Variants in TXNDC8 observed in about 807,000 individuals in gnomAD.
TXNDC8 encodes thioredoxin domain containing 8.
In TXNDC8, 15 loss-of-function variants were observed where a neutral mutation model predicts 12.9. The observed-to-expected ratio is 1.16, with a 90% CI of 0.78 to 1.79. The LOEUF (loss-of-function observed/expected upper bound fraction) is 1.79. Ranked by LOEUF, TXNDC8 falls within the 40% of genes most tolerant of loss-of-function variation. TXNDC8 has a pLI of 0.00. For synonymous variants in TXNDC8, 40 were observed against 35.4 expected (o/e 1.13, Z -0.46); for missense variants, 128 against 113.2 (o/e 1.13, Z -0.59).
At position 110,334,658 on chromosome 9, in the gene TXNDC8, T is replaced by G. The variant is rs143217227; in HGVS notation, c.25-338A>C. Among the ~76,000 whole-genome samples, 74 of 152,302 alleles carry G rather than the reference T, an allele frequency of 4.9e-4. No individual in the cohort carries two copies. The East Asian group carries it at 0.014, about 28-fold the overall frequency. ...TCTCTTTGTAAGTACATAAAAATCATGGAAGTCTATGCACCAAAAAGGTTG... is the reference window on the plus strand; with the variant it reads ...TCTCTTTGTAAGTACATAAAAATCAGGGAAGTCTATGCACCAAAAAGGTTG... On this transcript the variant is annotated intron_variant, in intron 1 of 4. Coordinates refer to ENST00000423740, the MANE Select transcript of TXNDC8 (RefSeq NM_001286946.2).
intron 3 of TXNDC8, among the ~76,000 whole-genome samples, chr9:110,325,821 C>T (rs1839293583): frequency 1.3e-5 from 2 of 152,246 alleles, no homozygotes; most frequent in South Asian, 4.1e-4. Context: ...GCCCGGCCTG[C>T]AACTTGTATA....
At chr9:110,333,045 G>A (rs900539538) in intron 2 of TXNDC8, among the ~76,000 whole-genome samples, 3 of 152,182 alleles carry the variant, frequency 2.0e-5, no homozygotes, top group African/African-American at 7.2e-5. Context: ...ACTTAGAGAA[G>A]CAGAAAATAT....
intron 1 of TXNDC8, among the ~76,000 whole-genome samples, chr9:110,335,643 T>C (rs1839722613): frequency 6.6e-6 from 1 of 152,212 alleles, no homozygotes; most frequent in South Asian, 2.1e-4. Context: ...GTAGCTGGCA[T>C]TGGTATCCTA....
intron 3 of TXNDC8, among the ~76,000 whole-genome samples, 185 bp from the exon 5 acceptor site, chr9:110,304,717 T>C (rs750861414): frequency 6.6e-6 from 1 of 152,190 alleles, no homozygotes; most frequent in African/African-American, 2.4e-5. Flanking sequence ...GGGAGGTTCA[T>C]GATCCTCTGC....
intron 3 of TXNDC8, among the ~76,000 whole-genome samples, chr9:110,307,257 A>G (rs1449793776): frequency 1.3e-5 from 2 of 152,096 alleles, no homozygotes; most frequent in East Asian, 3.9e-4. Flanking sequence ...CTGGCTTTAT[A>G]GTTTTAGTAT....
intron 3 of TXNDC8, among the ~76,000 whole-genome samples, chr9:110,312,796 T>C (rs1445759831): frequency 1.2e-4 from 18 of 152,236 alleles, no homozygotes; most frequent in Admixed American, 1.2e-3. Context: ...TTTCAAAAAT[T>C]ATAGTACATC....
At chr9:110,322,208 C>G (rs17204375) in intron 3 of TXNDC8, among the ~76,000 whole-genome samples, 2 of 151,124 alleles carry the variant, frequency 1.3e-5, no homozygotes, top group South Asian at 4.2e-4. Flanking sequence ...AAATTCATAA[C>G]CAGGATGCTA....
intron 3 of TXNDC8, among the ~76,000 whole-genome samples, chr9:110,320,287 G>C (rs1839040527): frequency 6.6e-6 from 1 of 152,140 alleles, no homozygotes; most frequent in African/African-American, 2.4e-5. Flanking sequence ...ATTGAATCAT[G>C]GGGGCGGGTC....
intron 3 of TXNDC8, among the ~76,000 whole-genome samples, chr9:110,310,097 A>T (rs1411897757): frequency 6.6e-6 from 1 of 152,140 alleles, no homozygotes; most frequent in East Asian, 1.9e-4. Flanking sequence ...TTTATGTAAA[A>T]TGGAAGTAAT....
downstream of TXNDC8, among the ~76,000 whole-genome samples, chr9:110,302,272 A>G (rs906523823): frequency 5.9e-5 from 9 of 152,042 alleles, no homozygotes; most frequent in Non-Finnish European, 8.8e-5. Context: ...AGCAGCTGGG[A>G]CTACAGATGC....
chr9:110,332,703 T>C (rs748610775), intron 2 of TXNDC8, among the ~76,000 whole-genome samples: 10 of 152,224 alleles, frequency 6.6e-5, no homozygotes, highest in Non-Finnish European at 1.5e-4. Context: ...CAAAAATAAA[T>C]ATATAAAATG....
intron 3 of TXNDC8, among the ~76,000 whole-genome samples, chr9:110,325,042 G>A (rs1199062668): frequency 6.6e-6 from 1 of 152,116 alleles, no homozygotes; most frequent in Non-Finnish European, 1.5e-5. Context: ...AACCCAGGAG[G>A]CGGAGGTTGC....
At chr9:110,326,480 C>A (rs551802286) in intron 2 of TXNDC8, among the ~76,000 whole-genome samples, 4 of 152,018 alleles carry the variant, frequency 2.6e-5, no homozygotes, top group East Asian at 1.9e-4. Flanking sequence ...CCCATAGAAC[C>A]AGGAGGTGGG....
chr9:110,337,401 T>C (rs1299795556), intron 1 of TXNDC8, among the ~76,000 whole-genome samples: 1 of 152,210 alleles, frequency 6.6e-6, no homozygotes, highest in Non-Finnish European at 1.5e-5. Context: ...TCTATTATTT[T>C]TCCTTGGATA....
In TXNDC8 at chr9:110,305,778, CTTTTCTTTTCTTTCTTTTCT is replaced by C. The variant is rs1441397562; in HGVS notation, c.196-1266_196-1247del. ...CCTTCCCTTCCCTTTCTTTTCTTTT[CTTTTCTTTTCTTTCTTTTCT>C]TTTCTTTTCTTTCCTTTCCTTTCCT... On this transcript the variant is annotated intron_variant, in intron 3 of 4. Coordinates refer to ENST00000423740, the MANE Select transcript of TXNDC8 (RefSeq NM_001286946.2). 7.5e-5 allele frequency among the ~76,000 whole-genome samples: 7 copies of C among 93,748 alleles called. No individual in the cohort carries two copies. In the East Asian group the frequency reaches 1.6e-3, roughly 21 times the overall value. 61.5% of individuals were successfully genotyped at this position (93,748 alleles called of 152,430 possible).
At chr9:110,318,437 G>A (rs1838963405) in intron 3 of TXNDC8, among the ~76,000 whole-genome samples, 1 of 152,108 alleles carries the variant, frequency 6.6e-6, no homozygotes. Context: ...AGGTACTGGG[G>A]TAAAAAATTT....
rs1008046240 is a variant in TXNDC8 at position 110,311,864 on chromosome 9, A to G, written c.196-7332T>C. 4.1e-5 allele frequency among the ~76,000 whole-genome samples: 6 copies of G among 146,560 alleles called. No individual in the cohort carries two copies. The East Asian group carries it at 9.8e-4, about 24-fold the overall frequency. The stretch of plus-strand genomic sequence containing the variant: ...ACTATATATGGATATACTATATACT[A>G]TATATATATGGATATAGTAAACTAA... On this transcript the variant is annotated intron_variant, in intron 3 of 4. Coordinates refer to ENST00000423740, the MANE Select transcript of TXNDC8 (RefSeq NM_001286946.2).
chr9:110,301,415 T>C (rs1838269001), downstream of TXNDC8, among the ~76,000 whole-genome samples: 1 of 152,222 alleles, frequency 6.6e-6, no homozygotes, highest in African/African-American at 2.4e-5. Context: ...ATCAGACAAC[T>C]TTTGCTTTAA....
chr9:110,322,888 G>A, intron 3 of TXNDC8: 2 of 985,392 alleles, frequency 2.0e-6, no homozygotes, highest in Non-Finnish European at 2.4e-6. Flanking sequence ...GATTCTTCTA[G>A]TCACTGAGCT....
Sources: allele counts gnomAD v4.1 joint callset (sites outside exome capture counted in the v4.1 genomes callset), GRCh38; gene constraint gnomAD v4.1.1; transcripts MANE v1.5; gene names NCBI Gene and HGNC (gene_info 2026-07-23, HGNC 2026-07-21).